TTC34: variants seen among roughly 807,000 people sequenced by gnomAD.
TTC34 encodes tetratricopeptide repeat domain 34.
In TTC34, 44 loss-of-function variants were observed where a neutral mutation model predicts 40.7. That is an observed-to-expected ratio of 1.08 (90% CI 0.85 to 1.39). The LOEUF is 1.39. TTC34 is among the 40% of genes most tolerant of loss of function. The pLI, the probability that TTC34 is intolerant of heterozygous loss-of-function variation, is 0.00. For missense variants in TTC34, 884 were observed against 838.0 expected, an observed-to-expected ratio of 1.05 and a Z score of -0.68; for synonymous variants, 422 against 398.6, an observed-to-expected ratio of 1.06 and a Z score of -0.70.
Position 2,645,467 on chromosome 1 carries a change from T to A in TTC34, c.2323A>T (p.Thr775Ser). Residue 775 changes from threonine to serine, a missense_variant, in exon 7 of 9, where the codon ACA becomes TCA. By Grantham distance (58) the Thr-to-Ser change is moderately conservative (BLOSUM62 1). Transcript: ENST00000401095. The surrounding 1 kb of genome is among the most constrained non-coding windows in gnomAD (Gnocchi z 4.7). ...CGGCAGTGGGAGTAGAGGCCCTGTG[T>A]GATGAGGGCCTGGGCTTCCGGCTTC... The A allele has an allele frequency of 6.5e-7, 1 of 1,533,414 alleles. No individual in the cohort carries two copies. Among genetic ancestry groups the A allele is most frequent in the Non-Finnish European group, 8.7e-7 (1 of 1,146,114 alleles). 95.0% of individuals were successfully genotyped at this position (1,533,414 alleles called of 1,614,324 possible). A position where few individuals can be genotyped will look rare whatever the true frequency, so the allele number is the denominator to read the frequency against.
chr1:2,681,862 C>A (rs1157931819), intron 6 of TTC34, among the ~76,000 whole-genome samples: 2 of 119,604 alleles, frequency 1.7e-5, no homozygotes, highest in Admixed American at 8.1e-5. Flanking sequence ...ACAGAACCCA[C>A]ACGCCCAGGT....
chr1:2,700,087 C>A (rs1178888845), intron 6 of TTC34, among the ~76,000 whole-genome samples: 1 of 121,320 alleles, frequency 8.2e-6, no homozygotes, highest in Non-Finnish European at 1.9e-5. Flanking sequence ...GGAGCAGCAC[C>A]CACAGTCCCA....
chr1:2,792,833 A>G (rs1012463470), intron 2 of TTC34, among the ~76,000 whole-genome samples: 3 of 152,250 alleles, frequency 2.0e-5, no homozygotes. Flanking sequence ...GAACGCCAGC[A>G]TCTGCTGAAC....
chr1:2,687,576 A>C (rs1375371102), intron 6 of TTC34, among the ~76,000 whole-genome samples: 1 of 139,188 alleles, frequency 7.2e-6, no homozygotes, highest in Non-Finnish European at 1.5e-5. Flanking sequence ...CCGCCAGGTG[A>C]CGATCTGACA....
intron 6 of TTC34, among the ~76,000 whole-genome samples, chr1:2,762,052 C>A (rs1341752972): frequency 1.8e-5 from 1 of 56,864 alleles, no homozygotes; most frequent in Non-Finnish European, 2.9e-5. Context: ...CGCCCACACC[C>A]CCGGGCGAGC....
intron 6 of TTC34, among the ~76,000 whole-genome samples, chr1:2,760,628 T>G (rs1318931030): frequency 1.2e-4 from 2 of 16,072 alleles, no homozygotes; most frequent in Non-Finnish European, 1.8e-4. Context: ...TCTGACAGCC[T>G]GGAGCAGCGC....
intron 6 of TTC34, among the ~76,000 whole-genome samples, chr1:2,777,619 G>T (rs1288109124): frequency 1.3e-5 from 2 of 151,656 alleles, no homozygotes; most frequent in African/African-American, 4.9e-5. Context: ...CTGAGCCCCA[G>T]CGCTGAGTCA....
intron 6 of TTC34, among the ~76,000 whole-genome samples, chr1:2,749,586 C>T (rs1346551131): frequency 1.1e-5 from 1 of 91,508 alleles, no homozygotes. Flanking sequence ...ATCCGACAGC[C>T]TGGAGCAGCA....
At chr1:2,687,125 C>A (rs1236353514) in intron 6 of TTC34, among the ~76,000 whole-genome samples, 1 of 145,004 alleles carries the variant, frequency 6.9e-6, no homozygotes, top group Non-Finnish European at 1.5e-5. Flanking sequence ...CACCCCACAC[C>A]CACAGGTGAG....
At chr1:2,777,509 G>A (rs1267793199) in intron 6 of TTC34, among the ~76,000 whole-genome samples, 1 of 152,176 alleles carries the variant, frequency 6.6e-6, no homozygotes, top group Non-Finnish European at 1.5e-5. Context: ...CACCAGGTGA[G>A]CATATGACCG....
At chr1:2,775,239 G>A (rs1358526331) in intron 6 of TTC34, 2 of 149,866 alleles carry the variant, frequency 1.3e-5, no homozygotes, top group East Asian at 2.0e-4. Flanking sequence ...CCCCAGGCGA[G>A]CATCTGACTG....
chr1:2,790,257 C>G (rs973358900), exon 3 of TTC34: 3 of 398,340 alleles, frequency 7.5e-6, no homozygotes, highest in Non-Finnish European at 1.3e-5. Flanking sequence ...CGGAAGGCCT[C>G]CTGCAGGTTC....
exon 9 of TTC34, chr1:2,641,843 G>T: frequency 6.6e-7 from 1 of 1,523,288 alleles, no homozygotes; most frequent in Non-Finnish European, 8.8e-7. Context: ...GTAGCCCAGC[G>T]CCTGCCTGGG....
intron 6 of TTC34, among the ~76,000 whole-genome samples, chr1:2,749,057 C>G (rs1247507412): frequency 0.012 from 123 of 9,968 alleles, no homozygotes; most frequent in South Asian, 0.033. Context: ...GGTGAGAATC[C>G]GACAGCCTGG....
chr1:2,759,471 C>A (rs1641619393), intron 6 of TTC34, among the ~76,000 whole-genome samples: 2 of 5,390 alleles, frequency 3.7e-4, no homozygotes, highest in African/African-American at 7.4e-4. Flanking sequence ...TGGAGCAGCA[C>A]CCCACACCCC....
intron 6 of TTC34, among the ~76,000 whole-genome samples, chr1:2,758,278 CA>C (rs1641572581): frequency 1.3e-5 from 1 of 79,234 alleles, no homozygotes; most frequent in Non-Finnish European, 2.3e-5. Flanking sequence ...CACACACCCC[CA>C]GGCGAGCATC....
intron 6 of TTC34, among the ~76,000 whole-genome samples, chr1:2,687,238 C>CG (rs1640404402): frequency 6.8e-6 from 1 of 147,776 alleles, no homozygotes; most frequent in African/African-American, 2.7e-5. Context: ...TGGAGCAGCA[C>CG]CCACACCCCC....
chr1:2,699,675 C>CCCCAGGAGAGCATCCGGCAG lies in TTC34; in HGVS notation c.2227-54113_2227-54112insCTGCCGGATGCTCTCCTGGG, dbSNP rs1243730466. ...AAACCCCAAGGTGAGCATCTGACAG[C>CCCCAGGAGAGCATCCGGCAG]CTGGAGCAGCGCCCACACCTCCAGG... On this transcript the variant is annotated intron_variant, in intron 6 of 8. Transcript: ENST00000401095. Among the ~76,000 whole-genome samples, 5 of 59,858 alleles carry CCCCAGGAGAGCATCCGGCAG rather than the reference C, an allele frequency of 8.4e-5. 1 individual carries two copies. The highest frequency in any genetic ancestry group is 2.4e-4 in the Non-Finnish European group (5 of 20,990). 39.3% of individuals were successfully genotyped at this position (59,858 alleles called of 152,430 possible). A position where few individuals can be genotyped will look rare whatever the true frequency, so the allele number is the denominator to read the frequency against.
intron 6 of TTC34, among the ~76,000 whole-genome samples, chr1:2,650,948 C>T (rs1469142782): frequency 6.6e-6 from 1 of 151,638 alleles, no homozygotes; most frequent in Non-Finnish European, 1.5e-5. Flanking sequence ...CACCCCAACC[C>T]CCCAGGTGAG....
Sources: allele counts gnomAD v4.1 joint callset (sites outside exome capture counted in the v4.1 genomes callset), GRCh38; gene constraint gnomAD v4.1.1; non-coding constraint Gnocchi (gnomAD v3.1); transcripts MANE v1.5; gene names NCBI Gene and HGNC (gene_info 2026-07-23, HGNC 2026-07-21).